GALNT7: variants seen among roughly 807,000 people sequenced by gnomAD.
The protein encoded by GALNT7 is polypeptide N-acetylgalactosaminyltransferase 7.
GALNT7 carries 60 observed loss-of-function variants against 82.1 expected under a neutral mutation model. The observed-to-expected ratio is 0.73, with a 90% CI of 0.59 to 0.91. The LOEUF (loss-of-function observed/expected upper bound fraction) is 0.91. Among genes scored for constraint, GALNT7 ranks in the 40% least tolerant of loss-of-function variants. GALNT7 has a pLI of 0.00. For missense variants in GALNT7, 660 were observed against 804.2 expected (o/e 0.82, Z 2.17); for synonymous variants, 243 against 275.1 (o/e 0.88, Z 1.15).
chr4:173,226,390 T>C (rs140821033), intron 1 of GALNT7, among the ~76,000 whole-genome samples: 211 of 152,320 alleles, frequency 1.4e-3, no homozygotes, highest in African/African-American at 5.0e-3. Flanking sequence ...TGCTGTTTTT[T>C]TTAAACATCA....
chr4:173,262,009 G>C (rs1441036177), intron 2 of GALNT7, among the ~76,000 whole-genome samples: 1 of 151,734 alleles, frequency 6.6e-6, no homozygotes, highest in South Asian at 2.1e-4. Context: ...TAAAAGAAAC[G>C]AGTATCATTG....
intron 1 of GALNT7, among the ~76,000 whole-genome samples, chr4:173,175,818 A>G (rs1415317505): frequency 6.6e-6 from 1 of 152,144 alleles, no homozygotes; most frequent in African/African-American, 2.4e-5. Flanking sequence ...CATGCTTGTA[A>G]TCCCAGCGCT....
chr4:173,244,832 AAG>A (rs1244802454), intron 1 of GALNT7, among the ~76,000 whole-genome samples: 1 of 152,160 alleles, frequency 6.6e-6, no homozygotes, highest in African/African-American at 2.4e-5. Context: ...GGGTAGATAA[AAG>A]AGAATAAAAA....
At chr4:173,179,113 AC>A (rs1269181998) in intron 1 of GALNT7, among the ~76,000 whole-genome samples, 1 of 152,190 alleles carries the variant, frequency 6.6e-6, no homozygotes, top group Non-Finnish European at 1.5e-5. Flanking sequence ...TACTATGAAA[AC>A]TATGTATTCA....
intron 1 of GALNT7, among the ~76,000 whole-genome samples, chr4:173,232,167 C>T (rs949986444): frequency 6.6e-6 from 1 of 151,870 alleles, no homozygotes; most frequent in African/African-American, 2.4e-5. Context: ...CCTGAAGGGA[C>T]GTGACTGACT....
chr4:173,205,912 G>A (rs1561153586), intron 1 of GALNT7, among the ~76,000 whole-genome samples: 1 of 152,120 alleles, frequency 6.6e-6, no homozygotes, highest in Non-Finnish European at 1.5e-5. Context: ...GCCTGGTGGT[G>A]GGGCAGGTCC....
In GALNT7 at chr4:173,199,401, G is replaced by A. The variant is rs186888952; in HGVS notation, c.126+30440G>A. Among the ~76,000 whole-genome samples the A allele has an allele frequency of 2.0e-3, 300 of 152,314 alleles. 2 individuals are homozygous for A. The highest frequency in any genetic ancestry group is 6.8e-3 in the Middle Eastern group (2 of 294). On this transcript the variant is annotated intron_variant, in intron 1 of 11. Coordinates refer to ENST00000265000, the MANE Select transcript of GALNT7 (RefSeq NM_017423.3). ...CCTAGTGCCTCTCAGTGGATTGTTAGTATATGCAAAGTTGTTAGGACAGTG... is the reference window on the plus strand; with the variant it reads ...CCTAGTGCCTCTCAGTGGATTGTTAATATATGCAAAGTTGTTAGGACAGTG...
At chr4:173,240,039 G>C (rs1734369834) in intron 1 of GALNT7, among the ~76,000 whole-genome samples, 3 of 152,110 alleles carry the variant, frequency 2.0e-5, no homozygotes, top group Non-Finnish European at 2.9e-5. Context: ...AGTTCCAAAA[G>C]ATCAAACTTG....
chr4:173,189,708 T>C (rs147616871), intron 1 of GALNT7, among the ~76,000 whole-genome samples: 92 of 152,352 alleles, frequency 6.0e-4, no homozygotes, highest in African/African-American at 2.0e-3. Flanking sequence ...ATTCTTCCCT[T>C]GCTCCGAGGG....
At chr4:173,183,971 C>T (rs570195943) in intron 1 of GALNT7, among the ~76,000 whole-genome samples, 2 of 151,640 alleles carry the variant, frequency 1.3e-5, no homozygotes, top group Admixed American at 6.6e-5. Flanking sequence ...GGGTCGCGGC[C>T]GGGCAGAGGC....
chr4:173,216,578 A>C (rs997057079), intron 1 of GALNT7, among the ~76,000 whole-genome samples: 55 of 151,558 alleles, frequency 3.6e-4, no homozygotes, highest in African/African-American at 1.3e-3. Flanking sequence ...ATTCTTTAGT[A>C]AACATTCAGT....
At chr4:173,169,438 T>TGGACCAGGCCCCTTGGTCCAGC in intron 1 of GALNT7, 1 of 151,234 alleles carries the variant, frequency 6.6e-6, no homozygotes, top group African/African-American at 2.4e-5. Flanking sequence ...GCTGGTCCGG[T>TGGACCAGGCCCCTTGGTCCAGC]GGACCAGGCC....
intron 1 of GALNT7, among the ~76,000 whole-genome samples, chr4:173,246,763 A>G (rs1169645543): frequency 4.6e-5 from 7 of 152,332 alleles, no homozygotes; most frequent in African/African-American, 1.7e-4. Context: ...AAGGCAAACT[A>G]GTAAACTTTA....
At chr4:173,189,651 G>A (rs555043794) in intron 1 of GALNT7, among the ~76,000 whole-genome samples, 3 of 152,284 alleles carry the variant, frequency 2.0e-5, no homozygotes, top group East Asian at 3.9e-4. Context: ...AGTATGCACC[G>A]AAAACACCAC....
intron 1 of GALNT7, among the ~76,000 whole-genome samples, chr4:173,199,181 C>T (rs923833260): frequency 1.1e-4 from 16 of 152,160 alleles, no homozygotes; most frequent in Admixed American, 9.8e-4. Flanking sequence ...ATGACAGTTA[C>T]ATTTAAAGAG....
chr4:173,271,611 C>T (rs1006047098), intron 2 of GALNT7, among the ~76,000 whole-genome samples: 7 of 152,168 alleles, frequency 4.6e-5, no homozygotes, highest in African/African-American at 1.7e-4. Context: ...TGTGCACCAT[C>T]AGGCGTGGCT....
chr4:173,201,192 T>G (rs1276993358), intron 1 of GALNT7, among the ~76,000 whole-genome samples: 1 of 152,214 alleles, frequency 6.6e-6, no homozygotes, highest in Non-Finnish European at 1.5e-5. Context: ...TTTATCTTTT[T>G]TCTCCTGATT....
At chr4:173,170,985 A>G (rs1260803017) in intron 1 of GALNT7, among the ~76,000 whole-genome samples, 2 of 152,180 alleles carry the variant, frequency 1.3e-5, no homozygotes, top group Non-Finnish European at 2.9e-5. Context: ...AGTGTACTTG[A>G]TAAAGTTTCT....
chr4:173,283,608 C>T (rs1351530190), intron 2 of GALNT7, among the ~76,000 whole-genome samples: 1 of 150,838 alleles, frequency 6.6e-6, no homozygotes, highest in Non-Finnish European at 1.5e-5. Context: ...CTGCACTCGG[C>T]CTGGGCGACA....
Sources: gnomAD v4.1 joint callset for allele counts (sites outside exome capture counted in the v4.1 genomes callset) on GRCh38, gnomAD v4.1.1 for gene constraint, MANE v1.5 for transcripts, NCBI Gene and HGNC (gene_info 2026-07-23, HGNC 2026-07-21) for gene names.